TNS1: variants seen among roughly 807,000 people sequenced by gnomAD.
TNS1 encodes the protein tensin-1.
Under a neutral mutation model 168.6 loss-of-function variants are expected in TNS1, and 62 were observed. That is an observed-to-expected ratio of 0.37 (90% CI 0.30 to 0.45). TNS1 has a LOEUF of 0.45. Among genes scored for constraint, TNS1 ranks in the 20% least tolerant of loss-of-function variants. TNS1 has a pLI of 1.00. For missense variants in TNS1, 2,240 were observed against 2,339.4 expected (o/e 0.96, Z 0.88); for synonymous variants, 934 against 933.2 (o/e 1.00, Z -0.02).
chr2:217,808,568 C>T (rs1553532564), intron 31 of TNS1, 35 bp downstream of exon 31: 2 of 1,601,180 alleles, frequency 1.2e-6, no homozygotes, highest in South Asian at 2.2e-5. Flanking sequence ...TGTTAGAAAG[C>T]TGTGTGGGAG....
intron 2 of TNS1, among the ~76,000 whole-genome samples, chr2:217,979,918 C>A (rs1456589957): frequency 6.6e-6 from 1 of 152,136 alleles, no homozygotes; most frequent in Non-Finnish European, 1.5e-5. Flanking sequence ...CCCCTTCCAG[C>A]TTTGAACCAA....
At chr2:218,000,052 A>C (rs62182229) in intron 1 of TNS1, among the ~76,000 whole-genome samples, 1,717 of 152,334 alleles carry the variant, frequency 0.011, 22 homozygotes, top group Admixed American at 0.025. Context: ...CCAGCACAAC[A>C]TCAAAAAGCC....
chr2:217,879,309 A>C (rs1039366478), intron 18 of TNS1: 5 of 364,120 alleles, frequency 1.4e-5, no homozygotes, highest in Non-Finnish European at 1.6e-5. Flanking sequence ...CAATTGCCAA[A>C]TGTTCTTGTT....
chr2:217,839,515 A>G (rs1008835), intron 19 of TNS1, among the ~76,000 whole-genome samples: 28,737 of 152,006 alleles, frequency 0.19, 3,430 homozygotes, highest in East Asian at 0.4. Flanking sequence ...CTCCCCTAGC[A>G]TGAGCCAGAC....
chr2:218,007,575 G>GC (rs1276074886), upstream of TNS1, among the ~76,000 whole-genome samples: 45 of 131,144 alleles, frequency 3.4e-4, 1 homozygote, highest in Middle Eastern at 3.6e-3. Context: ...GTGGGGGGGG[G>GC]GGTTCAGCCA....
intron 27 of TNS1, among the ~76,000 whole-genome samples, chr2:217,812,660 A>G (rs1039158767): frequency 6.6e-6 from 1 of 152,196 alleles, no homozygotes; most frequent in African/African-American, 2.4e-5. Flanking sequence ...AAGTTACCTA[A>G]CAACTTTCCT....
chr2:217,905,371 G>A (rs947132264), intron 6 of TNS1: 15 of 452,140 alleles, frequency 3.3e-5, no homozygotes, highest in Non-Finnish European at 6.2e-5. Flanking sequence ...GCGGTCCATG[G>A]GATGCTGCCG....
chr2:217,886,011 T>A (rs2288168), intron 14 of TNS1, 33 bp downstream of exon 14: 188,625 of 1,611,786 alleles, frequency 0.12, 15,545 homozygotes, highest in African/African-American at 0.35. Flanking sequence ...GGCCTTGGGC[T>A]TCTCTGGCCT....
intron 18 of TNS1, among the ~76,000 whole-genome samples, chr2:217,875,865 G>T (rs1467760883): frequency 6.6e-6 from 1 of 152,150 alleles, no homozygotes; most frequent in Non-Finnish European, 1.5e-5. Context: ...CCTGTCACCA[G>T]CCCCCGGTTC....
chr2:217,805,454 TCAC>T (rs1938365260), intron 32 of TNS1, among the ~76,000 whole-genome samples: 1 of 38,372 alleles, frequency 2.6e-5, no homozygotes, highest in Non-Finnish European at 4.9e-5. Flanking sequence ...ATACACACCA[TCAC>T]ACACACCACC....
chr2:217,853,369 T>C (rs1197144346), intron 18 of TNS1, among the ~76,000 whole-genome samples: 1 of 152,062 alleles, frequency 6.6e-6, no homozygotes, highest in Non-Finnish European at 1.5e-5. Flanking sequence ...TTCAGGGGAA[T>C]GCATCTCAGA....
At chr2:217,843,145 A>C (rs1014900614) in intron 19 of TNS1, among the ~76,000 whole-genome samples, 1 of 151,742 alleles carries the variant, frequency 6.6e-6, no homozygotes, top group African/African-American at 2.4e-5. Context: ...AAAAAAAAAA[A>C]ACACAAGAGT....
At chr2:217,985,836 C>T (rs921745422) in intron 2 of TNS1, among the ~76,000 whole-genome samples, 4 of 152,110 alleles carry the variant, frequency 2.6e-5, no homozygotes, top group Admixed American at 6.5e-5. Flanking sequence ...AAGTCAAGGA[C>T]GGGATCACCA....
Position 217,848,106 on chromosome 2 carries a change from C to T in TNS1, c.2411G>A (p.Arg804Lys), listed in dbSNP as rs777565113. The change falls in exon 19 of 33, where the codon AGG becomes AAG. Residue 804 changes from arginine to lysine, a missense_variant. Arg to Lys is a conservative substitution (Grantham distance 26). Around this residue, in one of 2 missense-constraint regions of TNS1, gnomAD observed 2,131 missense variants for 2,171.2 expected, o/e 0.98. Transcript: ENST00000682258. Reference protein sequence around the residue: ...RAHLESLVASRPSPQPLAETP... With the variant: ...RAHLESLVASKPSPQPLAETP... ...CTCTGCCAATGGCTGAGGGCTGGGC[C>T]TGCTGGCTACAAGACTCTCCAAGTG... is the stretch of plus-strand genomic sequence containing the variant. 6.4e-7 allele frequency: 1 copy of T among 1,571,878 alleles called. No homozygotes were observed. Among genetic ancestry groups the T allele is most frequent in the Non-Finnish European group, 8.6e-7 (1 of 1,160,004 alleles).
At chr2:217,946,961 T>TCACACACACA (rs1363329507) in intron 3 of TNS1, among the ~76,000 whole-genome samples, 2,959 of 133,492 alleles carry the variant, frequency 0.022, 152 homozygotes, top group African/African-American at 0.096. Context: ...TCTCTCTCTC[T>TCACACACACA]CTCTCTCTCA....
chr2:217,918,696 T>C (rs898962945), intron 4 of TNS1, among the ~76,000 whole-genome samples: 1 of 152,176 alleles, frequency 6.6e-6, no homozygotes, highest in Non-Finnish European at 1.5e-5. Context: ...CATTCTGTTC[T>C]TAGCCACAAG....
intron 18 of TNS1, among the ~76,000 whole-genome samples, chr2:217,856,549 G>C (rs375262681): frequency 6.6e-6 from 1 of 152,158 alleles, no homozygotes; most frequent in African/African-American, 2.4e-5. Flanking sequence ...CAGAATTAGA[G>C]GTTGAAGAGA....
At chr2:218,031,294 AGT>A (rs1331390148) in intron 1 of TNS1, among the ~76,000 whole-genome samples, 13 of 54,342 alleles carry the variant, frequency 2.4e-4, no homozygotes, top group East Asian at 2.4e-3. Context: ...TGAGTGTGTG[AGT>A]GTGTCTTTGT....
chr2:217,969,668 C>G (rs577279368), intron 3 of TNS1, among the ~76,000 whole-genome samples: 4 of 152,174 alleles, frequency 2.6e-5, no homozygotes, highest in African/African-American at 9.6e-5. Context: ...AATCAATAAA[C>G]ACATGAAAAG....
Sources: allele counts gnomAD v4.1 joint callset (sites outside exome capture counted in the v4.1 genomes callset), GRCh38; gene constraint gnomAD v4.1.1; regional missense constraint gnomAD v4.1.1; transcripts MANE v1.5; gene names NCBI Gene and HGNC (gene_info 2026-07-23, HGNC 2026-07-21).